The following RGS5 variants were observed in gnomAD, a reference collection of about 807,000 sequenced individuals.
The protein encoded by RGS5 is regulator of G protein signaling 5, also known as regulator of G-protein signalling 5.
In RGS5, 20 loss-of-function variants were observed where a neutral mutation model predicts 18.9. That is an observed-to-expected ratio of 1.06 (90% CI 0.74 to 1.54). The LOEUF (loss-of-function observed/expected upper bound fraction) is 1.54, where lower values mean the gene tolerates loss of function less well. Among genes scored for constraint, RGS5 ranks in the 40% most tolerant of loss-of-function variants. The pLI is 0.00. For synonymous variants in RGS5, 57 were observed against 76.2 expected, an observed-to-expected ratio of 0.75 and a Z score of 1.31; for missense variants, 201 against 211.8, an observed-to-expected ratio of 0.95 and a Z score of 0.32.
intron 2 of RGS5, among the ~76,000 whole-genome samples, chr1:163,274,353 G>A (rs898811452): frequency 6.6e-6 from 1 of 152,186 alleles, no homozygotes; most frequent in African/African-American, 2.4e-5. Flanking sequence ...ATAAGATACA[G>A]AGAGCTTCTA....
intron 2 of RGS5, among the ~76,000 whole-genome samples, chr1:163,287,166 G>A (rs1193606514): frequency 6.6e-6 from 1 of 152,132 alleles, no homozygotes; most frequent in East Asian, 1.9e-4. Flanking sequence ...GAAATTTTCT[G>A]ATTTTTGGTC....
At chr1:163,271,776 CAT>C (rs1170239233) in intron 2 of RGS5, among the ~76,000 whole-genome samples, 3 of 152,086 alleles carry the variant, frequency 2.0e-5, no homozygotes, top group Non-Finnish European at 2.9e-5. Context: ...CCTTTGTGGG[CAT>C]ATGTTTTCGT....
intron 2 of RGS5, among the ~76,000 whole-genome samples, chr1:163,286,499 CTTA>C (rs1267970831): frequency 2.0e-5 from 3 of 151,926 alleles, no homozygotes; most frequent in Non-Finnish European, 4.4e-5. Flanking sequence ...TTATCTTTTT[CTTA>C]TTATTTATAT....
At chr1:163,230,538 C>A (rs11805588) in intron 2 of RGS5, among the ~76,000 whole-genome samples, 64,933 of 151,986 alleles carry the variant, frequency 0.43, 14,134 homozygotes, top group Non-Finnish European at 0.47. Flanking sequence ...TATTGACTCT[C>A]CCCACACCTT....
At chr1:163,230,963 T>A (rs570689368) in intron 2 of RGS5, among the ~76,000 whole-genome samples, 2 of 152,300 alleles carry the variant, frequency 1.3e-5, no homozygotes, top group Non-Finnish European at 2.9e-5. Flanking sequence ...TTATTGATTA[T>A]AAGATGGCAA....
chr1:163,153,497 C>G (rs1334098512), intron 3 of RGS5, among the ~76,000 whole-genome samples: 1 of 152,044 alleles, frequency 6.6e-6, no homozygotes, highest in Non-Finnish European at 1.5e-5. Flanking sequence ...AGCGTACTTA[C>G]CATGTCCATC....
intron 3 of RGS5, among the ~76,000 whole-genome samples, chr1:163,154,612 G>A (rs1030224639): frequency 1.3e-5 from 2 of 151,806 alleles, no homozygotes; most frequent in Non-Finnish European, 2.9e-5. Flanking sequence ...TAGAAACTTG[G>A]CCAGAAGAAT....
chr1:163,284,747 C>T (rs947790265), intron 2 of RGS5, among the ~76,000 whole-genome samples: 1 of 152,076 alleles, frequency 6.6e-6, no homozygotes, highest in Admixed American at 6.6e-5. Flanking sequence ...TTTCCTCTTA[C>T]CCTCTCCAGC....
chr1:163,152,652 C>A lies in RGS5; in HGVS notation c.282G>T (p.Trp94Cys). ...SEFSEENLEF[W>C]IACEDYKKIK... ...TCTTCTTGTAATCCTCACAGGCAAT[C>A]CAGAACTCAAGGTTTTCCTCACTGA... Residue 94 changes from tryptophan (W) to cysteine (C), a missense_variant, in exon 4 of 5, where the codon TGG (tryptophan) becomes TGT (cysteine). Trp to Cys is a radical substitution (Grantham distance 215). Transcript: ENST00000313961. 1.2e-6 allele frequency: 2 copies of A among 1,612,440 alleles called. No homozygotes were observed. The highest frequency in any genetic ancestry group is 1.7e-6 in the Non-Finnish European group (2 of 1,179,174).
chr1:163,218,648 T>G (rs755589860), upstream of RGS5, among the ~76,000 whole-genome samples: 7 of 151,988 alleles, frequency 4.6e-5, no homozygotes, highest in Non-Finnish European at 1.0e-4. Context: ...GTAAAAATAT[T>G]CTGAGAAAGA....
At chr1:163,158,364 A>G (rs1286694986) in intron 3 of RGS5, among the ~76,000 whole-genome samples, 2 of 152,126 alleles carry the variant, frequency 1.3e-5, no homozygotes, top group African/African-American at 2.4e-5. Context: ...GATAAAGAAG[A>G]AGAGAGCAAT....
chr1:163,255,164 G>GT (rs1362087715), intron 2 of RGS5, among the ~76,000 whole-genome samples: 1 of 152,048 alleles, frequency 6.6e-6, no homozygotes, highest in Admixed American at 6.6e-5. Flanking sequence ...CTTTAAAGTA[G>GT]TTTTTTCCAA....
intron 1 of RGS5, among the ~76,000 whole-genome samples, chr1:163,215,158 A>T (rs986115048): frequency 6.6e-6 from 1 of 152,136 alleles, no homozygotes. Flanking sequence ...AGATCTACCC[A>T]TGTTGGTTTA....
chr1:163,166,797 G>C (rs1232477421), intron 2 of RGS5, among the ~76,000 whole-genome samples: 1 of 152,208 alleles, frequency 6.6e-6, no homozygotes, highest in African/African-American at 2.4e-5. Context: ...AATCTCAACA[G>C]TTTAAGGGTC....
At chr1:163,180,985 C>T (rs184166891) in intron 1 of RGS5, among the ~76,000 whole-genome samples, 10 of 152,158 alleles carry the variant, frequency 6.6e-5, no homozygotes, top group African/African-American at 2.2e-4. Context: ...TGAGCCACCG[C>T]GCCCGCCCCC....
intron 2 of RGS5, among the ~76,000 whole-genome samples, chr1:163,230,704 A>G (rs978190145): frequency 9.9e-5 from 15 of 152,248 alleles, no homozygotes; most frequent in Non-Finnish European, 1.6e-4. Context: ...TGTAAAGGAT[A>G]AAAGATTTAT....
At chr1:163,164,499 T>G (rs1486795556) in intron 2 of RGS5, among the ~76,000 whole-genome samples, 1 of 152,252 alleles carries the variant, frequency 6.6e-6, no homozygotes, top group Admixed American at 6.5e-5. Flanking sequence ...TTACCACTTT[T>G]ACTCACTGAA....
upstream of RGS5, among the ~76,000 whole-genome samples, chr1:163,207,463 G>C (rs897548735): frequency 2.0e-5 from 3 of 152,104 alleles, no homozygotes; most frequent in African/African-American, 7.2e-5. Flanking sequence ...AAATAAATGA[G>C]AGCCTCATTT....
At chr1:163,265,727 A>C (rs1384782962) in intron 2 of RGS5, among the ~76,000 whole-genome samples, 1 of 152,100 alleles carries the variant, frequency 6.6e-6, no homozygotes, top group Non-Finnish European at 1.5e-5. Context: ...GGATCTTTTC[A>C]GGTTTCAGTT....
Sources: allele counts gnomAD v4.1 joint callset (sites outside exome capture counted in the v4.1 genomes callset), GRCh38; gene constraint gnomAD v4.1.1; transcripts MANE v1.5; gene names NCBI Gene and HGNC (gene_info 2026-07-23, HGNC 2026-07-21).